Variants in FOXP2 observed in about 807,000 individuals in gnomAD.
The protein encoded by FOXP2 is forkhead box P2.
In FOXP2, 12 loss-of-function variants were observed where a neutral mutation model predicts 115.8. That is an observed-to-expected ratio of 0.10 (90% CI 0.07 to 0.17). FOXP2 has a LOEUF of 0.17. FOXP2 is among the 10% of genes least tolerant of loss of function. FOXP2 has a pLI of 1.00. For missense variants in FOXP2, 629 were observed against 843.5 expected, an observed-to-expected ratio of 0.75 and a Z score of 3.15; for synonymous variants, 328 against 297.7, an observed-to-expected ratio of 1.10 and a Z score of -1.05.
At chr7:114,175,429 A>T (rs978536453) in intron 1 of FOXP2, among the ~76,000 whole-genome samples, 9 of 152,268 alleles carry the variant, frequency 5.9e-5, no homozygotes, top group South Asian at 2.1e-4. Context: ...AATGTTAAGG[A>T]GTAGCAAAGC....
chr7:114,660,542 C>T (rs1563065905), intron 13 of FOXP2, among the ~76,000 whole-genome samples: 2 of 151,982 alleles, frequency 1.3e-5, no homozygotes, highest in Non-Finnish European at 2.9e-5. Flanking sequence ...ATCTGGCAAG[C>T]GATTACAGAT....
intron 1 of FOXP2, among the ~76,000 whole-genome samples, chr7:114,176,789 A>T (rs759296119): frequency 2.6e-5 from 4 of 151,678 alleles, no homozygotes; most frequent in Admixed American, 6.6e-5. Flanking sequence ...ACCGGTGCCT[A>T]GCTCCAGTAA....
chr7:114,312,555 G>C (rs1797172698), intron 2 of FOXP2, among the ~76,000 whole-genome samples: 1 of 152,114 alleles, frequency 6.6e-6, no homozygotes, highest in East Asian at 1.9e-4. Context: ...TGGGTTTAGG[G>C]TATGAGTTTA....
At chr7:114,422,071 ATAAT>A (rs1457761227) in intron 1 of FOXP2, among the ~76,000 whole-genome samples, 1 of 151,748 alleles carries the variant, frequency 6.6e-6, no homozygotes, top group Non-Finnish European at 1.5e-5. Context: ...TTTGATATTG[ATAAT>A]TGATCAAAGA....
rs188997208 is a variant in FOXP2 at position 114,677,398 on chromosome 7, T to C, written c.2004-12384T>C. Reference sequence around the variant, plus strand: ...CGATTCTGTTTAACATCTATTGACTTAAATTTTGAACATCTCAGTTTAAGA... The same window carrying C: ...CGATTCTGTTTAACATCTATTGACTCAAATTTTGAACATCTCAGTTTAAGA... On this transcript the variant is annotated intron_variant, in intron 16 of 16. Coordinates refer to ENST00000350908, the MANE Select transcript of FOXP2 (RefSeq NM_014491.4). Among the ~76,000 whole-genome samples the C allele has an allele frequency of 3.5e-4, 53 of 152,288 alleles. No homozygotes were observed. The South Asian group carries it at 4.1e-3, about 12-fold the overall frequency.
At chr7:114,321,175 C>CTTATTTA (rs1797410418) in intron 2 of FOXP2, among the ~76,000 whole-genome samples, 2 of 140,794 alleles carry the variant, frequency 1.4e-5, no homozygotes, top group African/African-American at 5.4e-5. Context: ...TATCTAGTAA[C>CTTATTTA]TTTATTTATT....
chr7:114,141,586 C>T (rs768157894), intron 1 of FOXP2, among the ~76,000 whole-genome samples: 1 of 152,212 alleles, frequency 6.6e-6, no homozygotes, highest in Non-Finnish European at 1.5e-5. Flanking sequence ...CCCTTCCACC[C>T]TCAGGGTGCT....
At chr7:114,670,445 A>T (rs1807434102) in intron 16 of FOXP2, among the ~76,000 whole-genome samples, 1 of 152,020 alleles carries the variant, frequency 6.6e-6, no homozygotes, top group African/African-American at 2.4e-5. Flanking sequence ...TATACATCAC[A>T]TACCCCAGTC....
intron 3 of FOXP2, among the ~76,000 whole-genome samples, chr7:114,619,965 G>A (rs530333618): frequency 6.6e-5 from 10 of 151,932 alleles, no homozygotes; most frequent in African/African-American, 2.4e-4. Flanking sequence ...TGTCATTTAT[G>A]GTGTATAGGG....
chr7:114,101,563 T>G (rs1209553938), intron 1 of FOXP2, among the ~76,000 whole-genome samples: 2 of 152,094 alleles, frequency 1.3e-5, no homozygotes, highest in African/African-American at 4.8e-5. Flanking sequence ...TTTTAGAAAA[T>G]TTTTAAGTGC....
chr7:114,301,055 A>AATG (rs1162810234), intron 2 of FOXP2, among the ~76,000 whole-genome samples: 1 of 151,964 alleles, frequency 6.6e-6, no homozygotes, highest in East Asian at 1.9e-4. Flanking sequence ...ATATAATGTA[A>AATG]ATGATTGATA....
At chr7:114,595,523 G>A (rs2129310515) in intron 3 of FOXP2, among the ~76,000 whole-genome samples, 1 of 152,112 alleles carries the variant, frequency 6.6e-6, no homozygotes, top group South Asian at 2.1e-4. Context: ...AAAAGCAAAA[G>A]CAGAGGTTAA....
chr7:114,203,373 C>T (rs921304339), intron 1 of FOXP2, among the ~76,000 whole-genome samples: 2 of 152,098 alleles, frequency 1.3e-5, no homozygotes, highest in African/African-American at 2.4e-5. Context: ...CACTCTGTAG[C>T]CCAGGCTGTA....
intron 1 of FOXP2, among the ~76,000 whole-genome samples, chr7:114,276,604 C>T (rs957887498): frequency 2.0e-5 from 3 of 152,076 alleles, no homozygotes; most frequent in Non-Finnish European, 4.4e-5. Context: ...CTGGAGTTAT[C>T]CTTTTAGGAT....
intron 1 of FOXP2, among the ~76,000 whole-genome samples, chr7:114,195,974 T>C (rs1157208191): frequency 6.6e-6 from 1 of 152,068 alleles, no homozygotes; most frequent in Non-Finnish European, 1.5e-5. Context: ...AAAAACTTGG[T>C]ATTTTAATTG....
intron 2 of FOXP2, among the ~76,000 whole-genome samples, chr7:114,292,450 T>C (rs912300143): frequency 5.9e-5 from 9 of 152,054 alleles, no homozygotes; most frequent in African/African-American, 1.9e-4. Flanking sequence ...CCTAGTGTGG[T>C]ATTTAGTACA....
chr7:114,220,629 T>C (rs192632261), intron 1 of FOXP2, among the ~76,000 whole-genome samples: 72 of 152,318 alleles, frequency 4.7e-4, no homozygotes, highest in Admixed American at 3.7e-3. Flanking sequence ...CTAATGCATG[T>C]TATCTCTGCT....
At chr7:114,315,119 G>A (rs1323065768) in intron 2 of FOXP2, among the ~76,000 whole-genome samples, 3 of 152,120 alleles carry the variant, frequency 2.0e-5, no homozygotes, top group Non-Finnish European at 4.4e-5. Context: ...CTGTCTTTGT[G>A]TTGGCTTTTT....
chr7:114,091,122 T>TAGAG (rs1244872656), intron 1 of FOXP2, among the ~76,000 whole-genome samples: 1 of 151,862 alleles, frequency 6.6e-6, no homozygotes, highest in African/African-American at 2.4e-5. Context: ...CTTGCTTACT[T>TAGAG]CCCTCTAAGT....
Sources: gnomAD v4.1 joint callset for allele counts (sites outside exome capture counted in the v4.1 genomes callset) on GRCh38, gnomAD v4.1.1 for gene constraint, MANE v1.5 for transcripts, NCBI Gene and HGNC (gene_info 2026-07-23, HGNC 2026-07-21) for gene names.